DMBT1: variants seen among roughly 807,000 people sequenced by gnomAD.
DMBT1 encodes the protein deleted in malignant brain tumors 1.
DMBT1 carries 198 observed loss-of-function variants against 252.9 expected under a neutral mutation model. The observed-to-expected ratio is 0.78, with a 90% confidence interval of 0.70 to 0.88. The LOEUF (loss-of-function observed/expected upper bound fraction) is 0.88, where lower values mean the gene tolerates loss of function less well. DMBT1 is among the 40% of genes least tolerant of loss of function. The pLI, the probability that DMBT1 is intolerant of heterozygous loss-of-function variation, is 0.00. For synonymous variants in DMBT1, 990 were observed against 942.7 expected (o/e 1.05, Z -0.92); for missense variants, 2,432 against 2,404.7 (o/e 1.01, Z -0.24).
At chr10:122,624,769 C>T (rs2098103343) in intron 44 of DMBT1, among the ~76,000 whole-genome samples, 1 of 152,206 alleles carries the variant, frequency 6.6e-6, no homozygotes, top group Admixed American at 6.5e-5. Context: ...GGAATGAGTC[C>T]TAACTGTGGA....
At chr10:122,623,575 T>G (rs76817298) in intron 44 of DMBT1, among the ~76,000 whole-genome samples, 2,384 of 152,352 alleles carry the variant, frequency 0.016, 78 homozygotes, top group South Asian at 0.14. Context: ...TGTTATGATG[T>G]CTTTTTCATC....
Position 122,631,112 on chromosome 10 carries a change from A to G in DMBT1, c.6177A>G (p.Gly2059=). The G allele has an allele frequency of 6.2e-7, 1 of 1,613,974 alleles. No individual in the cohort carries two copies. The highest frequency in any genetic ancestry group is 1.1e-5 in the South Asian group (1 of 91,070). ...TGGTCTGCAGACAGCTAGGGTGTGGACGTGCAGTTTCAGCCCTTGGAAATG... is the reference window on the plus strand; with the variant it reads ...TGGTCTGCAGACAGCTAGGGTGTGGGCGTGCAGTTTCAGCCCTTGGAAATG... ...AEVVCRQLGC[G]RAVSALGNAY... is the part of the protein sequence containing the mutation. Residue 2059 remains glycine (G), a synonymous_variant, in exon 49 of 56, where the codon GGA becomes GGG. Transcript: ENST00000338354.
intron 26 of DMBT1, 143 bp downstream of exon 26, chr10:122,599,240 T>G: frequency 6.8e-7 from 1 of 1,476,686 alleles, no homozygotes; most frequent in Non-Finnish European, 9.0e-7. Flanking sequence ...CTGCTAAGAA[T>G]CCCTATGTAC....
Position 122,579,724 on chromosome 10 carries a change from G to C in DMBT1, c.826G>C (p.Gly276Arg). ...TGCCAATGTGGTCTGCAGGCAGCTG[G>C]GCTGTGGCTGGGCCATGTCAGCCCC... Reference protein sequence around the residue: ...NDANVVCRQLGCGWAMSAPGN... With the variant: ...NDANVVCRQLRCGWAMSAPGN... Residue 276 changes from glycine (G) to arginine (R), a missense_variant, in exon 10 of 56, where the codon GGC (glycine) becomes CGC (arginine). Physicochemically the swap from Gly to Arg is moderately radical, Grantham distance 125. Around this residue, in one of 3 missense-constraint regions of DMBT1, gnomAD observed 1,264 missense variants for 1,082.2 expected, o/e 1.17. Transcript: ENST00000338354. 1 of 1,613,876 alleles carries C rather than the reference G, an allele frequency of 6.2e-7. No individual in the cohort carries two copies. The highest frequency in any genetic ancestry group is 8.5e-7 in the Non-Finnish European group (1 of 1,179,798).
chr10:122,620,999 C>A, intron 43 of DMBT1, 58 bp from the exon 44 acceptor site: 2 of 1,606,278 alleles, frequency 1.2e-6, no homozygotes, highest in East Asian at 2.2e-5. Flanking sequence ...GTGGAACATT[C>A]CTTAAATCCT....
chr10:122,636,586 A>T (rs141742442), intron 53 of DMBT1, among the ~76,000 whole-genome samples: 1 of 152,214 alleles, frequency 6.6e-6, no homozygotes, highest in Non-Finnish European at 1.5e-5. Flanking sequence ...TTTGGTTTCT[A>T]TCTGAAGATG....
Position 122,585,295 on chromosome 10 carries a change from C to G in DMBT1, c.1445C>G (p.Pro482Arg). 6.3e-7 allele frequency: 1 copy of G among 1,586,928 alleles called. No homozygotes were observed. Among genetic ancestry groups the G allele is most frequent in the Non-Finnish European group, 8.6e-7 (1 of 1,164,548 alleles). ...SPDTLPTITL[P>R]ASTVGSESSL... ...GACACGTTGCCGACCATCACCTTACCTGCATCGACAGTAGGTAAATAATCC... is the reference window on the plus strand; with the variant it reads ...GACACGTTGCCGACCATCACCTTACGTGCATCGACAGTAGGTAAATAATCC... The change falls in exon 15 of 56, where the codon CCT (proline) becomes CGT (arginine). Residue 482 changes from proline (P) to arginine (R), a missense_variant. By Grantham distance (103) the Pro-to-Arg change is moderately radical. This residue lies in a region of DMBT1 where 1,264 missense variants were observed against 1,082.2 expected (regional missense o/e 1.17). Coordinates refer to ENST00000338354, the MANE Select transcript of DMBT1 (RefSeq NM_001377530.1).
rs545733226 is a variant in DMBT1 at position 122,621,239 on chromosome 10, C to T, written c.5467C>T (p.Arg1823Trp). 5.3e-5 allele frequency: 85 copies of T among 1,613,810 alleles called. No homozygotes were observed. The highest frequency in any genetic ancestry group is 5.9e-5 in the Non-Finnish European group (70 of 1,179,772). ...GWAMSAPGNA[R>W]FGQGSGPIVL... ...GGCCATGTCGGCCCCAGGAAATGCC[C>T]GGTTTGGCCAGGGCTCAGGACCCAT... is the stretch of plus-strand genomic sequence containing the variant. Residue 1823 changes from arginine to tryptophan, a missense_variant, in exon 44 of 56, where the codon CGG (arginine) becomes TGG (tryptophan). Transcript: ENST00000338354.
At chr10:122,633,026 C>A in intron 51 of DMBT1, 136 bp downstream of exon 51, 1 of 1,510,882 alleles carries the variant, frequency 6.6e-7, no homozygotes. Flanking sequence ...CCCTGCCAGC[C>A]CTCAGTGGAC....
At position 122,638,910 on chromosome 10, in the gene DMBT1, G is replaced by C. The variant is rs148459270; in HGVS notation, c.6943-1130G>C. Among the ~76,000 whole-genome samples the C allele has an allele frequency of 6.6e-3, 1,001 of 152,322 alleles. 15 individuals carry two copies. The highest frequency in any genetic ancestry group is 0.022 in the African/African-American group (926 of 41,550). On this transcript the variant is annotated intron_variant, in intron 54 of 55. Transcript: ENST00000338354. ...AGATATCAGACACTGAACTAAGTGT[G>C]CTATATAACTTTTAAAATTCTCAGG...
At chr10:122,580,778 G>C in intron 10 of DMBT1, 88 bp from the exon 11 acceptor site, 2 of 1,522,212 alleles carry the variant, frequency 1.3e-6, no homozygotes, top group African/African-American at 1.4e-5. Flanking sequence ...CTGAGTGTCA[G>C]ACTCGCTCAT....
At chr10:122,597,859 G>A in intron 24 of DMBT1, 115 bp from the exon 25 acceptor site, 1 of 1,502,994 alleles carries the variant, frequency 6.7e-7, no homozygotes, top group South Asian at 1.1e-5. Context: ...GGAGCAAGTG[G>A]CAGGAACCAG....
intron 24 of DMBT1, among the ~76,000 whole-genome samples, chr10:122,597,450 A>G (rs3981000): frequency 0.023 from 3,465 of 151,662 alleles, 146 homozygotes; most frequent in African/African-American, 0.075. Context: ...CTGCCGCCAC[A>G]GGCAAGCAAT....
intron 48 of DMBT1, 34 bp downstream of exon 48, chr10:122,630,524 G>C (rs1262179982): frequency 6.2e-6 from 10 of 1,603,498 alleles, no homozygotes; most frequent in Non-Finnish European, 8.5e-6. Context: ...TATGAGGCTT[G>C]GTGGATTTAC....
intron 52 of DMBT1, among the ~76,000 whole-genome samples, chr10:122,634,411 T>TTTCTTTCTC (rs2098199003): frequency 2.0e-5 from 2 of 99,904 alleles, no homozygotes; most frequent in African/African-American, 9.2e-5. Flanking sequence ...TTTTCTTTCT[T>TTTCTTTCTC]TCTCTCTCTC....
At chr10:122,643,085 C>G (rs1246553589) in intron 55 of DMBT1, 37 bp from the exon 56 acceptor site, 2 of 1,599,736 alleles carry the variant, frequency 1.3e-6, no homozygotes. Context: ...AAGAATCGGG[C>G]CTTGGTGAGA....
intron 46 of DMBT1, among the ~76,000 whole-genome samples, chr10:122,629,222 A>G (rs2098139846): frequency 6.6e-6 from 1 of 152,134 alleles, no homozygotes; most frequent in African/African-American, 2.4e-5. Flanking sequence ...CTTATTTAAT[A>G]CCCTCATCAG....
intron 19 of DMBT1, 77 bp from the exon 20 acceptor site, chr10:122,592,195 T>G: frequency 6.4e-7 from 1 of 1,553,510 alleles, no homozygotes; most frequent in Non-Finnish European, 8.7e-7. Flanking sequence ...CATTAGGAAG[T>G]ACCCTGAGTG....
intron 46 of DMBT1, among the ~76,000 whole-genome samples, chr10:122,627,782 C>G (rs148872623): frequency 1.3e-5 from 2 of 152,236 alleles, no homozygotes; most frequent in Non-Finnish European, 2.9e-5. Context: ...AATGGGAGAA[C>G]GTATTTCTAT....
Sources: allele counts gnomAD v4.1 joint callset (sites outside exome capture counted in the v4.1 genomes callset), GRCh38; gene constraint gnomAD v4.1.1; regional missense constraint gnomAD v4.1.1; transcripts MANE v1.5; gene names NCBI Gene and HGNC (gene_info 2026-07-23, HGNC 2026-07-21).